The following IL31RA variants were observed in gnomAD, a reference collection of about 807,000 sequenced individuals.
IL31RA encodes the protein interleukin-31 receptor subunit alpha.
Under a neutral mutation model 83.7 loss-of-function variants are expected in IL31RA, and 66 were observed. The observed-to-expected ratio is 0.79, with a 90% CI of 0.65 to 0.97. The LOEUF is 0.97. IL31RA is among the 50% of genes least tolerant of loss of function. The pLI, the probability that IL31RA is intolerant of heterozygous loss-of-function variation, is 0.00. For missense variants in IL31RA, 798 were observed against 919.4 expected, an observed-to-expected ratio of 0.87 and a Z score of 1.71; for synonymous variants, 325 against 329.0, an observed-to-expected ratio of 0.99 and a Z score of 0.13.
At chr5:55,905,884 G>A (rs542757299) in intron 8 of IL31RA, among the ~76,000 whole-genome samples, 1 of 152,040 alleles carries the variant, frequency 6.6e-6, no homozygotes, top group South Asian at 2.1e-4. Context: ...TCAATTTGGG[G>A]TTAGGTAAAG....
Position 55,916,821 on chromosome 5 carries a change from G to A in IL31RA, c.1996G>A (p.Gly666Arg), listed in dbSNP as rs765709220. The A allele has an allele frequency of 4.3e-6, 7 of 1,614,162 alleles. No individual in the cohort carries two copies. Among genetic ancestry groups the A allele is most frequent in the South Asian group, 2.2e-5 (2 of 91,078 alleles). The change falls in exon 15 of 15, where the codon GGG becomes AGG. Residue 666 changes from glycine (G) to arginine (R), a missense_variant. Gly to Arg is a moderately radical substitution (Grantham distance 125, BLOSUM62 -2). Coordinates refer to ENST00000652347, the MANE Select transcript of IL31RA (RefSeq NM_139017.7). Reference protein sequence around the residue: ...ARTGQENNLGGEKNGYVTCPF... With the variant: ...ARTGQENNLGREKNGYVTCPF... Reference sequence around the variant, plus strand: ...AACGGGTCAGGAAAACAATTTAGGAGGGGAAAAGAATGGGTATGTGACCTG... The same window carrying A: ...AACGGGTCAGGAAAACAATTTAGGAAGGGAAAAGAATGGGTATGTGACCTG...
rs1324810249 is a variant in IL31RA, at chr5:55,921,643, C to T, written c.*4523C>T. On this transcript the variant is annotated 3_prime_UTR_variant, in exon 15 of 15. Coordinates refer to ENST00000652347, the MANE Select transcript of IL31RA (RefSeq NM_139017.7). ...TCCTTTGTCCTTTTCCACTGAGAAT[C>T]AGCTGTCTACCACTGTGAGCTTGAT... Among the ~76,000 whole-genome samples the T allele has an allele frequency of 1.3e-5, 2 of 152,218 alleles. No homozygotes were observed. Among genetic ancestry groups the T allele is most frequent in the Non-Finnish European group, 2.9e-5 (2 of 68,048 alleles).
In IL31RA at chr5:55,921,875, C is replaced by T. The variant is rs989252951; in HGVS notation, c.*4755C>T. Among the ~76,000 whole-genome samples, 30 of 152,248 alleles carry T rather than the reference C, an allele frequency of 2.0e-4. No homozygotes were observed. The highest frequency in any genetic ancestry group is 7.0e-4 in the African/African-American group (29 of 41,554). ...GGGACTCAGTAGGCCCTTAGCACAG[C>T]GGGTGGACTTTGCCATTTGGTTGAC... On this transcript the variant is annotated 3_prime_UTR_variant, in exon 15 of 15. Coordinates refer to ENST00000652347, the MANE Select transcript of IL31RA (RefSeq NM_139017.7).
chr5:55,854,243 A>ATGGATTTATAGACTTTGAAAC (rs1745225383), intron 1 of IL31RA, among the ~76,000 whole-genome samples: 1 of 152,162 alleles, frequency 6.6e-6, no homozygotes, highest in Admixed American at 6.5e-5. Context: ...CACAACCCAA[A>ATGGATTTATAGACTTTGAAAC]TGGATTTATA....
At chr5:55,908,875 T>C (rs1053199457) in intron 11 of IL31RA, 27 of 1,298,782 alleles carry the variant, frequency 2.1e-5, no homozygotes, top group Non-Finnish European at 2.6e-5. Flanking sequence ...CTAAATAATT[T>C]TTTCTTATGG....
At chr5:55,856,373 C>T (rs1265977969) in intron 1 of IL31RA, among the ~76,000 whole-genome samples, 1 of 152,146 alleles carries the variant, frequency 6.6e-6, no homozygotes, top group Non-Finnish European at 1.5e-5. Context: ...GGAAATGACC[C>T]CTTTTTGAAG....
rs80333862 is a variant in IL31RA, at chr5:55,922,429, A to G, written c.*5309A>G. 460 of 1,550,660 alleles carry G rather than the reference A, an allele frequency of 3.0e-4. 3 individuals are homozygous for G. In the African/African-American group the frequency reaches 5.3e-3, roughly 18 times the overall value. On this transcript the variant is annotated 3_prime_UTR_variant, in exon 15 of 15. Transcript: ENST00000652347. ...TTCTGTCTTCCTGCCCAACTTCAAT[A>G]TAAGTGTGGACTAAAATGCGAGAAA...
At chr5:55,844,096 G>A in the IL31RA span, among the ~76,000 whole-genome samples, 1 of 151,838 alleles carries the variant, frequency 6.6e-6, no homozygotes, top group Non-Finnish European at 1.5e-5. Flanking sequence ...GAGCCAGAGG[G>A]GAAAATAAAC....
chr5:55,922,639 A>G lies in IL31RA; in HGVS notation c.*5519A>G. 1.9e-6 allele frequency: 1 copy of G among 536,992 alleles called. No homozygotes were observed. Among genetic ancestry groups the G allele is most frequent in the Non-Finnish European group, 3.3e-6 (1 of 303,452 alleles). 33.3% of individuals were successfully genotyped at this position (536,992 alleles called of 1,614,324 possible). A position where few individuals can be genotyped will look rare whatever the true frequency, so the allele number is the denominator to read the frequency against. On this transcript the variant is annotated 3_prime_UTR_variant, in exon 15 of 15. Coordinates refer to ENST00000652347, the MANE Select transcript of IL31RA (RefSeq NM_139017.7). ...GAAGTCTGTTATTAAGTAGAGTGTGAAAACATGGTTATGGTAATAGGAACA... is the reference window on the plus strand; with the variant it reads ...GAAGTCTGTTATTAAGTAGAGTGTGGAAACATGGTTATGGTAATAGGAACA...
intron 5 of IL31RA, among the ~76,000 whole-genome samples, chr5:55,885,138 T>C (rs534622670): frequency 1.4e-4 from 21 of 152,346 alleles, no homozygotes; most frequent in Admixed American, 5.9e-4. Flanking sequence ...ACCACTATCA[T>C]CATTCAGCCT....
At chr5:55,882,809 G>A (rs1312791906) in intron 4 of IL31RA, among the ~76,000 whole-genome samples, 1 of 152,008 alleles carries the variant, frequency 6.6e-6, no homozygotes, top group African/African-American at 2.4e-5. Flanking sequence ...CAATCAATAA[G>A]AGGCTGATTT....
At chr5:55,911,028 GT>G (rs1291185137) in intron 12 of IL31RA, among the ~76,000 whole-genome samples, 1 of 152,178 alleles carries the variant, frequency 6.6e-6, no homozygotes, top group Admixed American at 6.5e-5. Context: ...GTTTCTGCAT[GT>G]TATAGGTTAC....
At chr5:55,881,321 TAAAGAA>T (rs1214397681) in intron 4 of IL31RA, among the ~76,000 whole-genome samples, 1 of 145,210 alleles carries the variant, frequency 6.9e-6, no homozygotes, top group East Asian at 2.0e-4. Flanking sequence ...AAGAAAAAGA[TAAAGAA>T]AAAGAAAAAA....
chr5:55,904,506 A>T (rs538695752), intron 8 of IL31RA, among the ~76,000 whole-genome samples: 1 of 152,292 alleles, frequency 6.6e-6, no homozygotes, highest in Non-Finnish European at 1.5e-5. Flanking sequence ...AGGTGGGGTC[A>T]ATCTCCAGGC....
In IL31RA at chr5:55,868,883, A is replaced by G. The variant is rs1746347850; in HGVS notation, c.247A>G (p.Thr83Ala). The change falls in exon 3 of 15, where the codon ACC becomes GCC. Residue 83 changes from threonine to alanine, a missense_variant. By Grantham distance (58) the Thr-to-Ala change is moderately conservative. Transcript: ENST00000652347. The part of the protein sequence containing the change: ...TWSPGKETSY[T>A]QYTVKRTYAF... ...GAGTCCAGGAAAGGAAACCAGTTAT[A>G]CCCAGTACACAGTTAAGAGAACTTA... 3 of 1,582,270 alleles carry G rather than the reference A, an allele frequency of 1.9e-6. No homozygotes were observed. In the East Asian group the frequency reaches 6.7e-5, roughly 35 times the overall value.
upstream of IL31RA, among the ~76,000 whole-genome samples, chr5:55,847,321 G>A (rs534725920): frequency 2.8e-4 from 41 of 148,116 alleles, no homozygotes; most frequent in South Asian, 7.4e-3. Flanking sequence ...AGGGCTGGGC[G>A]CAGTGGCTCA....
intron 6 of IL31RA, 60 bp from the exon 7 acceptor site, chr5:55,896,290 C>T: frequency 1.7e-6 from 2 of 1,179,650 alleles, no homozygotes; most frequent in Non-Finnish European, 2.6e-6. Flanking sequence ...GCTAACCTTT[C>T]CTGTCTCCTC....
Position 55,852,986 on chromosome 5 carries a change from T to C in IL31RA, c.63+1353T>C, listed in dbSNP as rs576481254. Among the ~76,000 whole-genome samples the C allele has an allele frequency of 5.4e-4, 82 of 152,376 alleles. 1 individual carries two copies. The highest frequency in any genetic ancestry group is 1.9e-3 in the African/African-American group (79 of 41,596). On this transcript the variant is annotated intron_variant, in intron 1 of 14. Transcript: ENST00000652347. ...CAGTAAGAGCTCCACAAATTATTAA[T>C]GATGATTATTACTAGTGGCTAAACT... is the stretch of plus-strand genomic sequence containing the variant.
At chr5:55,908,068 ACTTCT>A (rs1424177362) in intron 10 of IL31RA, among the ~76,000 whole-genome samples, 192 bp from the exon 11 acceptor site, 1 of 152,220 alleles carries the variant, frequency 6.6e-6, no homozygotes. Flanking sequence ...TCTTGTTGCC[ACTTCT>A]CTTCTTGCTT....
Sources: gnomAD v4.1 joint callset for allele counts (sites outside exome capture counted in the v4.1 genomes callset) on GRCh38, gnomAD v4.1.1 for gene constraint, MANE v1.5 for transcripts, NCBI Gene and HGNC (gene_info 2026-07-23, HGNC 2026-07-21) for gene names.